The following AGBL4 variants were observed in gnomAD, a reference collection of about 807,000 sequenced individuals.
AGBL4 encodes the protein cytosolic carboxypeptidase 6.
Under a neutral mutation model 66.4 loss-of-function variants are expected in AGBL4, and 58 were observed. The ratio of observed to expected loss-of-function variants is 0.87; its 90% CI spans 0.71 to 1.09. The LOEUF is 1.09. Ranked by LOEUF, AGBL4 falls within the 50% of genes least tolerant of loss-of-function variation. AGBL4 has a pLI of 0.00. For missense variants in AGBL4, 579 were observed against 631.0 expected (o/e 0.92, Z 0.88); for synonymous variants, 234 against 222.9 (o/e 1.05, Z -0.44).
chr1:48,532,226 A>G (rs987913800), downstream of AGBL4, among the ~76,000 whole-genome samples: 1 of 152,158 alleles, frequency 6.6e-6, no homozygotes, highest in Non-Finnish European at 1.5e-5. Flanking sequence ...TTTTGCCTAC[A>G]TTTTCCACAC....
chr1:49,512,112 T>G (rs1649324328), intron 3 of AGBL4, among the ~76,000 whole-genome samples: 1 of 151,900 alleles, frequency 6.6e-6, no homozygotes, highest in Admixed American at 6.6e-5. Context: ...TCTTTAGACG[T>G]AAGAAAAAAG....
intron 3 of AGBL4, among the ~76,000 whole-genome samples, chr1:49,319,983 C>T (rs1015177778): frequency 4.6e-5 from 7 of 152,058 alleles, no homozygotes; most frequent in African/African-American, 1.7e-4. Flanking sequence ...GGCTAGAGTA[C>T]AGTGGTACCA....
At chr1:48,867,342 T>A (rs1648205852) in intron 5 of AGBL4, 112 bp from the exon 6 acceptor site, 1 of 1,052,244 alleles carries the variant, frequency 9.5e-7, no homozygotes, top group East Asian at 2.5e-5. Flanking sequence ...GCAGGGTAAA[T>A]CATACGGAAT....
At chr1:49,611,177 A>G (rs1011399150) in intron 3 of AGBL4, among the ~76,000 whole-genome samples, 1 of 152,124 alleles carries the variant, frequency 6.6e-6, no homozygotes, top group East Asian at 1.9e-4. Flanking sequence ...CCACCCTGTT[A>G]TCTCCTCCTA....
At chr1:49,669,350 T>C (rs1396112182) in intron 3 of AGBL4, among the ~76,000 whole-genome samples, 1 of 152,062 alleles carries the variant, frequency 6.6e-6, no homozygotes, top group African/African-American at 2.4e-5. Flanking sequence ...GACTTTACTT[T>C]GAGGACTAAT....
At chr1:49,786,887 A>T (rs1349403595) in intron 2 of AGBL4, among the ~76,000 whole-genome samples, 1 of 152,210 alleles carries the variant, frequency 6.6e-6, no homozygotes, top group Non-Finnish European at 1.5e-5. Flanking sequence ...ACATTACTGC[A>T]GTGGCAGTGT....
chr1:48,848,189 G>A (rs1174282619), intron 6 of AGBL4, among the ~76,000 whole-genome samples: 1 of 152,162 alleles, frequency 6.6e-6, no homozygotes, highest in African/African-American at 2.4e-5. Context: ...TGCAGGCTAC[G>A]GTGAAAACCA....
chr1:49,845,348 A>C, intron 2 of AGBL4: 1 of 1,456,228 alleles, frequency 6.9e-7, no homozygotes. Flanking sequence ...GTATGTGGGA[A>C]ATCCTTCAGT....
chr1:49,434,580 C>A (rs1247239251), intron 3 of AGBL4, among the ~76,000 whole-genome samples: 1 of 151,982 alleles, frequency 6.6e-6, no homozygotes, highest in Non-Finnish European at 1.5e-5. Flanking sequence ...ACAGATATAT[C>A]TCAGAAGGCT....
At chr1:49,389,639 A>C (rs540905191) in intron 3 of AGBL4, among the ~76,000 whole-genome samples, 1 of 152,286 alleles carries the variant, frequency 6.6e-6, no homozygotes, top group South Asian at 2.1e-4. Context: ...CAAAACATTT[A>C]AACATGGATT....
chr1:49,802,919 C>T (rs900105691), intron 2 of AGBL4, among the ~76,000 whole-genome samples: 2 of 152,108 alleles, frequency 1.3e-5, no homozygotes, highest in Non-Finnish European at 2.9e-5. Context: ...CCTAGCAAAG[C>T]ACATAAAAAT....
chr1:49,947,851 G>C (rs117885695), intron 1 of AGBL4, among the ~76,000 whole-genome samples: 2 of 144,436 alleles, frequency 1.4e-5, no homozygotes, highest in African/African-American at 5.2e-5. Context: ...AAAGTTTCTG[G>C]ATACAACATC....
intron 6 of AGBL4, among the ~76,000 whole-genome samples, chr1:48,844,960 T>G (rs1033360306): frequency 6.6e-6 from 1 of 152,198 alleles, no homozygotes; most frequent in African/African-American, 2.4e-5. Flanking sequence ...AACAATCTCA[T>G]GGTAAACAAA....
intron 1 of AGBL4, among the ~76,000 whole-genome samples, chr1:49,912,772 T>G (rs868838212): frequency 6.6e-6 from 1 of 152,188 alleles, no homozygotes; most frequent in Non-Finnish European, 1.5e-5. Flanking sequence ...TCAACAGTTC[T>G]GTAGGCTGCA....
intron 6 of AGBL4, among the ~76,000 whole-genome samples, chr1:48,751,880 C>T (rs1011371602): frequency 1.3e-5 from 2 of 152,122 alleles, no homozygotes; most frequent in African/African-American, 2.4e-5. Context: ...CTGAATTGTT[C>T]GGCCACCCTG....
intron 4 of AGBL4, among the ~76,000 whole-genome samples, chr1:49,120,165 T>TA (rs983642134): frequency 6.6e-6 from 1 of 152,206 alleles, no homozygotes; most frequent in African/African-American, 2.4e-5. Context: ...TTGGAGCATT[T>TA]AGCCCATTTA....
chr1:49,619,868 G>A (rs995030331), intron 3 of AGBL4, among the ~76,000 whole-genome samples: 1 of 152,088 alleles, frequency 6.6e-6, no homozygotes, highest in African/African-American at 2.4e-5. Context: ...CAAGCAATGG[G>A]GAAAGGATTC....
At chr1:49,805,093 T>C (rs1477682596) in intron 2 of AGBL4, among the ~76,000 whole-genome samples, 2 of 152,266 alleles carry the variant, frequency 1.3e-5, no homozygotes, top group East Asian at 1.9e-4. Context: ...TTTCAGTTTA[T>C]AGAAGATAAA....
At chr1:49,668,014 G>C (rs1646402929) in intron 3 of AGBL4, among the ~76,000 whole-genome samples, 1 of 152,130 alleles carries the variant, frequency 6.6e-6, no homozygotes, top group South Asian at 2.1e-4. Flanking sequence ...ATAATTTATA[G>C]CAAGCGTATC....
Sources: allele counts gnomAD v4.1 joint callset (sites outside exome capture counted in the v4.1 genomes callset), GRCh38; gene constraint gnomAD v4.1.1; transcripts MANE v1.5; gene names NCBI Gene and HGNC (gene_info 2026-07-23, HGNC 2026-07-21).